The following SYNPR variants were observed in gnomAD, a reference collection of about 807,000 sequenced individuals.
The protein encoded by SYNPR is synaptoporin.
In SYNPR, 23 loss-of-function variants were observed where a neutral mutation model predicts 32.9. The observed-to-expected ratio is 0.70, with a 90% CI of 0.50 to 0.99. The LOEUF (loss-of-function observed/expected upper bound fraction) is 0.99, where lower values mean the gene tolerates loss of function less well. SYNPR is among the 50% of genes least tolerant of loss of function. SYNPR has a pLI of 0.00. For missense variants in SYNPR, 318 were observed against 349.3 expected, an observed-to-expected ratio of 0.91 and a Z score of 0.71; for synonymous variants, 146 against 135.9, an observed-to-expected ratio of 1.07 and a Z score of -0.52.
intron 2 of SYNPR, among the ~76,000 whole-genome samples, chr3:63,424,430 T>C (rs571669191): frequency 3.3e-5 from 5 of 152,276 alleles, no homozygotes; most frequent in Admixed American, 3.3e-4. Flanking sequence ...AGCTTCCATT[T>C]CCTCTTTTGC....
At chr3:63,332,801 A>G (rs1360949705) in intron 2 of SYNPR, among the ~76,000 whole-genome samples, 1 of 152,140 alleles carries the variant, frequency 6.6e-6, no homozygotes, top group Non-Finnish European at 1.5e-5. Context: ...GTGTGACTGC[A>G]AGGTTCTTTT....
intron 2 of SYNPR, among the ~76,000 whole-genome samples, chr3:63,293,757 T>C (rs2086766149): frequency 6.6e-6 from 1 of 151,212 alleles, no homozygotes; most frequent in Non-Finnish European, 1.5e-5. Context: ...TGTCCTGATG[T>C]CTGCTTTCCT....
intron 5 of SYNPR, among the ~76,000 whole-genome samples, chr3:63,613,936 G>C (rs1042808878): frequency 6.6e-6 from 1 of 152,144 alleles, no homozygotes; most frequent in Non-Finnish European, 1.5e-5. Flanking sequence ...CCAAGCCTAA[G>C]ATTCCATTCA....
chr3:63,566,167 A>G (rs929990910), intron 4 of SYNPR, among the ~76,000 whole-genome samples: 1 of 152,082 alleles, frequency 6.6e-6, no homozygotes, highest in Admixed American at 6.6e-5. Context: ...ATGGAATTTG[A>G]GCCAATTAAA....
At chr3:63,245,708 AGAGTGTGTGTGTGTGTGTGTGT>A (rs1486240315) in intron 1 of SYNPR, among the ~76,000 whole-genome samples, 2 of 50,158 alleles carry the variant, frequency 4.0e-5, no homozygotes, top group African/African-American at 1.6e-4. Context: ...AGAGAGAGAG[AGAGTGTGTGTGTGTGTGTGTGT>A]GTGTGTGTGT....
At chr3:63,305,546 C>T (rs1175207707) in intron 2 of SYNPR, among the ~76,000 whole-genome samples, 2 of 151,928 alleles carry the variant, frequency 1.3e-5, no homozygotes, top group African/African-American at 4.8e-5. Context: ...TTTATGTTTT[C>T]TACCAGTTTT....
intron 2 of SYNPR, among the ~76,000 whole-genome samples, chr3:63,433,000 T>C (rs1415194182): frequency 6.6e-6 from 1 of 152,238 alleles, no homozygotes; most frequent in African/African-American, 2.4e-5. Context: ...ATAATCCACG[T>C]TCTTTTATAA....
chr3:63,540,562 G>C (rs944854021), intron 3 of SYNPR, among the ~76,000 whole-genome samples: 1 of 151,972 alleles, frequency 6.6e-6, no homozygotes, highest in Admixed American at 6.6e-5. Context: ...GCATGTTAAG[G>C]AAGGAAAAAG....
chr3:63,584,862 T>A (rs2106867273), intron 4 of SYNPR, among the ~76,000 whole-genome samples: 1 of 152,204 alleles, frequency 6.6e-6, no homozygotes, highest in Middle Eastern at 3.4e-3. Context: ...AGGCTAAGAC[T>A]TGCTTCTCAA....
Position 63,551,801 on chromosome 3 carries a change from T to A in SYNPR, c.210-4742T>A, listed in dbSNP as rs76911217. On this transcript the variant is annotated intron_variant, in intron 3 of 5. Coordinates refer to ENST00000478300, the MANE Select transcript of SYNPR (RefSeq NM_001130003.2). ...GAAAACCCATCCTTTCTCTCTAAAC[T>A]TTAAGTTCAACATGGACAGGCACCA... 5.6e-3 allele frequency among the ~76,000 whole-genome samples: 855 copies of A among 152,246 alleles called. 11 individuals carry two copies. Among genetic ancestry groups the A allele is most frequent in the African/African-American group, 0.019 (791 of 41,536 alleles).
chr3:63,324,925 A>T (rs2087150291), intron 2 of SYNPR, among the ~76,000 whole-genome samples: 1 of 152,118 alleles, frequency 6.6e-6, no homozygotes, highest in Middle Eastern at 3.2e-3. Flanking sequence ...ATGTTTTCCT[A>T]TGAACATATC....
chr3:63,381,476 G>C (rs916764455), intron 2 of SYNPR, among the ~76,000 whole-genome samples: 1 of 152,178 alleles, frequency 6.6e-6, no homozygotes, highest in Non-Finnish European at 1.5e-5. Flanking sequence ...CGGCCATACT[G>C]CCCAAGGTAA....
chr3:63,239,725 T>C (rs963691166), intron 1 of SYNPR, among the ~76,000 whole-genome samples: 4 of 151,648 alleles, frequency 2.6e-5, no homozygotes, highest in African/African-American at 9.7e-5. Flanking sequence ...CAACCTACCA[T>C]TGTCACCCCT....
At chr3:63,498,573 G>A (rs1701416132) in intron 3 of SYNPR, among the ~76,000 whole-genome samples, 3 of 152,076 alleles carry the variant, frequency 2.0e-5, no homozygotes, top group Admixed American at 2.0e-4. Flanking sequence ...GACCTGAATA[G>A]CAAGAAAGAT....
At chr3:63,349,084 A>G (rs1265765138) in intron 2 of SYNPR, among the ~76,000 whole-genome samples, 1 of 151,812 alleles carries the variant, frequency 6.6e-6, no homozygotes, top group East Asian at 1.9e-4. Flanking sequence ...TGCTTTGGGC[A>G]GTATGATAAT....
At chr3:63,556,187 G>A (rs1702591679) in intron 3 of SYNPR, among the ~76,000 whole-genome samples, 1 of 152,146 alleles carries the variant, frequency 6.6e-6, no homozygotes, top group Admixed American at 6.6e-5. Context: ...ATACAGTTAG[G>A]GGCACCAAGG....
At chr3:63,466,228 C>CCTCT (rs60415902) in intron 2 of SYNPR, among the ~76,000 whole-genome samples, 101 of 148,164 alleles carry the variant, frequency 6.8e-4, no homozygotes, top group African/African-American at 2.2e-3. Context: ...TCTAGACGTT[C>CCTCT]CTCTCTCTCT....
chr3:63,248,148 T>C (rs962282357), intron 1 of SYNPR, among the ~76,000 whole-genome samples: 4 of 152,116 alleles, frequency 2.6e-5, no homozygotes, highest in African/African-American at 9.7e-5. Flanking sequence ...CAGCTTGTAT[T>C]AAAAACTCCC....
intron 3 of SYNPR, among the ~76,000 whole-genome samples, chr3:63,543,708 C>G (rs1384638540): frequency 6.6e-6 from 1 of 152,042 alleles, no homozygotes; most frequent in African/African-American, 2.4e-5. Context: ...GAAAAAGTGT[C>G]CAAATTGGGG....
Sources: allele counts gnomAD v4.1 joint callset (sites outside exome capture counted in the v4.1 genomes callset), GRCh38; gene constraint gnomAD v4.1.1; transcripts MANE v1.5; gene names NCBI Gene and HGNC (gene_info 2026-07-23, HGNC 2026-07-21).